VIPAS39: variants seen among roughly 807,000 people sequenced by gnomAD.
The protein encoded by VIPAS39 is spermatogenesis-defective protein 39 homolog.
In VIPAS39, 63 loss-of-function variants were observed where a neutral mutation model predicts 84.7. That is an observed-to-expected ratio of 0.74 (90% confidence interval 0.61 to 0.92). VIPAS39 has a LOEUF of 0.92. VIPAS39 is among the 40% of genes least tolerant of loss of function. The pLI is 0.00. For synonymous variants in VIPAS39, 192 were observed against 216.5 expected (o/e 0.89, Z 0.99); for missense variants, 499 against 604.5 (o/e 0.83, Z 1.83).
chr14:77,457,087 C>G lies in VIPAS39; in HGVS notation c.-1+408G>C, dbSNP rs144902427. 7.6e-3 allele frequency: 10,622 copies of G among 1,398,892 alleles called. 114 individuals carry two copies. The highest frequency in any genetic ancestry group is 0.038 in the South Asian group (2,353 of 62,534). The allele number at this position is 1,398,892 out of a possible 1,614,324, so 86.7% of individuals were successfully genotyped here. On this transcript the variant is annotated intron_variant, in intron 1 of 19. Transcript: ENST00000557658. ...TCCCTGCCTCAGAAAACTCCAAAAA[C>G]CACCTACTGAGAAGTCAGACTTGGT...
At chr14:77,443,249 T>G in intron 8 of VIPAS39, 97 bp from the exon 9 acceptor site, 11 of 1,426,594 alleles carry the variant, frequency 7.7e-6, no homozygotes, top group Non-Finnish European at 1.1e-5. Flanking sequence ...TAGCAATCTC[T>G]GAAGGTATAG....
chr14:77,445,615 T>C (rs1594915115), intron 7 of VIPAS39, among the ~76,000 whole-genome samples: 1 of 152,080 alleles, frequency 6.6e-6, no homozygotes, highest in Non-Finnish European at 1.5e-5. Context: ...AGATGGGGTC[T>C]TGCTATATTG....
At position 77,453,506 on chromosome 14, in the gene VIPAS39, C is replaced by T. The variant is rs976811234; in HGVS notation, c.94-105G>A. On this transcript the variant is annotated intron_variant, in intron 2 of 19. Transcript: ENST00000557658. ...AATTGGGGCCTGAAGGTGGCCAACA[C>T]TCGCCCTGTGCAATCGAAAGCCTAG... The T allele has an allele frequency of 7.5e-6, 8 of 1,069,044 alleles. No individual in the cohort carries two copies. In the African/African-American group the frequency reaches 1.2e-4, roughly 17 times the overall value. The allele number at this position is 1,069,044 out of a possible 1,614,324, so 66.2% of individuals were successfully genotyped here. A position where few individuals can be genotyped will look rare whatever the true frequency, so the allele number is the denominator to read the frequency against.
chr14:77,446,453 G>C (rs2078791529), intron 7 of VIPAS39, among the ~76,000 whole-genome samples: 1 of 151,990 alleles, frequency 6.6e-6, no homozygotes, highest in Non-Finnish European at 1.5e-5. Flanking sequence ...ATAGGCACAA[G>C]CCACCACACC....
chr14:77,436,010 C>T (rs998235966), intron 12 of VIPAS39, 91 bp from the exon 13 acceptor site: 2 of 1,208,576 alleles, frequency 1.7e-6, no homozygotes, highest in Admixed American at 1.7e-5. Flanking sequence ...GTATAAGAGG[C>T]TCACGGTGCC....
chr14:77,443,660 C>T (rs1343424873), intron 8 of VIPAS39, among the ~76,000 whole-genome samples: 2 of 151,980 alleles, frequency 1.3e-5, no homozygotes, highest in Non-Finnish European at 2.9e-5. Context: ...TTTGGGAGGC[C>T]GAGGCTGGTG....
intron 1 of VIPAS39, 104 bp downstream of exon 1, chr14:77,457,391 G>A (rs1362068797): frequency 6.5e-7 from 1 of 1,535,598 alleles, no homozygotes; most frequent in Non-Finnish European, 8.7e-7. Context: ...CAGGCCTGTA[G>A]TCATAGGGTG....
In VIPAS39 at chr14:77,453,187, A is replaced by G. The variant is rs112619430; in HGVS notation, c.196+112T>C. The G allele has an allele frequency of 1.7e-5, 19 of 1,096,470 alleles. No individual in the cohort carries two copies. The South Asian group carries it at 1.9e-4, about 11-fold the overall frequency. The allele number at this position is 1,096,470 out of a possible 1,614,324, so 67.9% of individuals were successfully genotyped here. A position where few individuals can be genotyped will look rare whatever the true frequency, so the allele number is the denominator to read the frequency against. On this transcript the variant is annotated intron_variant, in intron 3 of 19. Transcript: ENST00000557658. Reference sequence around the variant, plus strand: ...TCCAGATGTATGCTTATCTGAAAATAGTCTTATCCTAGTCCCTCTCCTAAC... The same window carrying G: ...TCCAGATGTATGCTTATCTGAAAATGGTCTTATCCTAGTCCCTCTCCTAAC...
intron 19 of VIPAS39, 107 bp downstream of exon 19, chr14:77,428,263 G>C: frequency 1.0e-6 from 1 of 975,830 alleles, no homozygotes; most frequent in Non-Finnish European, 1.6e-6. Flanking sequence ...CATCCATGTG[G>C]CTTAGCCAAC....
At position 77,455,692 on chromosome 14, in the gene VIPAS39, T is replaced by C. The variant is rs547336568; in HGVS notation, c.1-1590A>G. Among the ~76,000 whole-genome samples, 12 of 152,340 alleles carry C rather than the reference T, an allele frequency of 7.9e-5. No homozygotes were observed. The East Asian group carries it at 2.1e-3, about 27-fold the overall frequency. On this transcript the variant is annotated intron_variant, in intron 1 of 19. Transcript: ENST00000557658. ...CAATAAAAGCTTGAGAAAAGCCTTG[T>C]CATGGTAGTCCTGTTGAGGCTTTTG...
chr14:77,432,808 A>C lies in VIPAS39; in HGVS notation c.1179+1034T>G, dbSNP rs117421656. 8.8e-3 allele frequency among the ~76,000 whole-genome samples: 1,341 copies of C among 152,320 alleles called. 19 individuals carry two copies. The highest frequency in any genetic ancestry group is 0.037 in the South Asian group (178 of 4,824). Reference sequence around the variant, plus strand: ...GCAGGATGAATAAATCTAGAAATCTAATGTACAGCATGAGGAATACAGTTA... The same window carrying C: ...GCAGGATGAATAAATCTAGAAATCTCATGTACAGCATGAGGAATACAGTTA... On this transcript the variant is annotated intron_variant, in intron 16 of 19. Coordinates refer to ENST00000557658, the MANE Select transcript of VIPAS39 (RefSeq NM_001193315.2).
chr14:77,453,450 A>G, intron 2 of VIPAS39, 49 bp from the exon 3 acceptor site: 7 of 1,555,248 alleles, frequency 4.5e-6, no homozygotes, highest in Non-Finnish European at 6.2e-6. Flanking sequence ...ATCATTTCCC[A>G]CCTCTCTTCT....
chr14:77,437,268 C>A (rs959381261), intron 12 of VIPAS39, among the ~76,000 whole-genome samples: 6 of 152,144 alleles, frequency 3.9e-5, no homozygotes, highest in African/African-American at 1.4e-4. Context: ...GAAGGTTGTT[C>A]AAAAACAAAC....
chr14:77,438,386 G>T (rs902562198), intron 11 of VIPAS39, among the ~76,000 whole-genome samples: 12 of 152,104 alleles, frequency 7.9e-5, no homozygotes, highest in Non-Finnish European at 1.6e-4. Context: ...CCACCACCAT[G>T]CCTGGCTAAT....
chr14:77,454,504 G>A (rs1005758412), intron 1 of VIPAS39, among the ~76,000 whole-genome samples: 5 of 151,920 alleles, frequency 3.3e-5, no homozygotes, highest in African/African-American at 1.2e-4. Flanking sequence ...GAGAAACCCC[G>A]TCTCTACTAA....
intron 10 of VIPAS39, 151 bp downstream of exon 10, chr14:77,442,409 G>T: frequency 1.3e-6 from 1 of 751,534 alleles, no homozygotes; most frequent in Non-Finnish European, 2.4e-6. Flanking sequence ...AAGCTATGCT[G>T]TACTGCTAGT....
intron 4 of VIPAS39, among the ~76,000 whole-genome samples, chr14:77,450,593 C>T (rs554944525): frequency 2.6e-5 from 4 of 152,218 alleles, no homozygotes; most frequent in Non-Finnish European, 5.9e-5. Context: ...TCACTACAAC[C>T]TTTGCCTCCC....
intron 12 of VIPAS39, among the ~76,000 whole-genome samples, chr14:77,437,405 C>T (rs1253505728): frequency 6.6e-6 from 1 of 151,940 alleles, no homozygotes; most frequent in Non-Finnish European, 1.5e-5. Context: ...GTTTCAAGGA[C>T]CAGTAACACT....
In VIPAS39 at chr14:77,444,287, C is replaced by A. The variant is rs527729637; in HGVS notation, c.559G>T (p.Glu187Ter). The A allele has an allele frequency of 1.2e-6, 2 of 1,613,926 alleles. No individual in the cohort carries two copies. Among genetic ancestry groups the A allele is most frequent in the African/African-American group, 1.3e-5 (1 of 75,056 alleles). ...SLQDKLQLLE[E>*]AVSMHDGNVI... is the part of the protein sequence containing the mutation. Reference sequence around the variant, plus strand: ...TTTCCATCATGCATGCTTACTGCCTCTTCTAGGAGTTGTAGTTTGTCCTGT... The same window carrying A: ...TTTCCATCATGCATGCTTACTGCCTATTCTAGGAGTTGTAGTTTGTCCTGT... Residue 187 changes from glutamate (E) to a stop codon, truncating the protein, a stop_gained, in exon 8 of 20, where the codon GAG (glutamate) becomes TAG (stop). Transcript: ENST00000557658. LOFTEE classifies it high-confidence loss of function.
Sources: gnomAD v4.1 joint callset for allele counts (sites outside exome capture counted in the v4.1 genomes callset) on GRCh38, gnomAD v4.1.1 for gene constraint, MANE v1.5 for transcripts, NCBI Gene and HGNC (gene_info 2026-07-23, HGNC 2026-07-21) for gene names.